Variants in PGAP4 observed in about 807,000 individuals in gnomAD.
PGAP4 encodes the protein GPI-N-acetylgalactosamine transferase PGAP4.
A neutral mutation model predicts 28.2 loss-of-function variants in PGAP4; 12 were observed. The observed-to-expected ratio is 0.42, with a 90% CI of 0.27 to 0.69. The LOEUF (loss-of-function observed/expected upper bound fraction) is 0.69, where lower values mean the gene tolerates loss of function less well. Ranked by LOEUF, PGAP4 falls within the 30% of genes least tolerant of loss-of-function variation. The pLI is 0.22. For synonymous variants in PGAP4, 205 were observed against 211.8 expected (o/e 0.97, Z 0.28); for missense variants, 425 against 513.5 (o/e 0.83, Z 1.67).
chr9:101,512,533 A>AT lies in PGAP4; in HGVS notation c.-165+18814dup, dbSNP rs1334888905. Among the ~76,000 whole-genome samples, 9 of 152,226 alleles carry AT rather than the reference A, an allele frequency of 5.9e-5. 1 individual carries two copies. The highest frequency in any genetic ancestry group is 1.9e-4 in the African/African-American group (8 of 41,464). On this transcript the variant is annotated intron_variant, in intron 2 of 3. Coordinates refer to the PGAP4 transcript ENST00000374851. ...TTTTACATGGGAGGCTGACTGATTC[A>AT]TGAATCACTAGTAAAAGCCAATTAG...
At chr9:101,478,070 G>GA (rs1344880276) in intron 1 of PGAP4, among the ~76,000 whole-genome samples, 2 of 152,206 alleles carry the variant, frequency 1.3e-5, no homozygotes, top group African/African-American at 4.8e-5. Flanking sequence ...CATTTGGTGG[G>GA]AAGTTTACCT....
At chr9:101,497,939 G>A (rs1266246388) in intron 2 of PGAP4, among the ~76,000 whole-genome samples, 1 of 151,760 alleles carries the variant, frequency 6.6e-6, no homozygotes, top group East Asian at 1.9e-4. Flanking sequence ...TAGAATTTTA[G>A]TTAGGGGATA....
intron 2 of PGAP4, among the ~76,000 whole-genome samples, chr9:101,492,455 T>A (rs1427186733): frequency 2.0e-5 from 3 of 152,030 alleles, no homozygotes; most frequent in Non-Finnish European, 2.9e-5. Flanking sequence ...CAGTAATTTT[T>A]GTCTTAAAGT....
chr9:101,495,152 A>C (rs1485994538), intron 2 of PGAP4, among the ~76,000 whole-genome samples: 4 of 94,980 alleles, frequency 4.2e-5, no homozygotes, highest in Non-Finnish European at 8.3e-5. Flanking sequence ...TTTTATATAT[A>C]TTATATATTT....
intron 2 of PGAP4, among the ~76,000 whole-genome samples, chr9:101,493,769 A>C (rs1489383380): frequency 6.6e-6 from 1 of 152,166 alleles, no homozygotes. Context: ...ACTTTTGTAC[A>C]GTCCATATCT....
chr9:101,532,278 G>GA (rs1220114966), intron 1 of PGAP4, among the ~76,000 whole-genome samples: 1,724 of 94,416 alleles, frequency 0.018, 21 homozygotes, highest in African/African-American at 0.057. Flanking sequence ...TCGAAAAAAA[G>GA]AAAAAAAAAA....
Position 101,476,485 on chromosome 9 carries a change from T to C in PGAP4, c.608A>G (p.Asn203Ser). The C allele has an allele frequency of 6.2e-7, 1 of 1,614,074 alleles. No individual in the cohort carries two copies. Among genetic ancestry groups the C allele is most frequent in the Non-Finnish European group, 8.5e-7 (1 of 1,180,022 alleles). The change falls in exon 2 of 2, where the codon AAC becomes AGC. Residue 203 changes from asparagine (N) to serine (S), a missense_variant. Coordinates refer to ENST00000374848, the MANE Select transcript of PGAP4 (RefSeq NM_032342.3). This position sits in a 1 kb window ranked among gnomAD's most constrained non-coding sequence, Gnocchi z 7.0. ...YCLESSLQTY[N>S]PDYVLMVEDD... ...TTCTACCATCAGGACGTAGTCTGGG[T>C]TGTAGGTCTGCAGGGATGACTCCAG...
rs1457976064 is a variant in PGAP4, at chr9:101,486,403, T to TA, written c.-78+545_-78+546insT. The stretch of plus-strand genomic sequence containing the variant: ...CTGCCCAGTCGCCCTCCCCCAGCCC[T>TA]TGGCTGCGAGGTCGCCCGCAGAAAC... On this transcript the variant is annotated intron_variant, in intron 1 of 1. Transcript: ENST00000374848. The surrounding 1 kb of genome is among the most constrained non-coding windows in gnomAD (Gnocchi z 4.7). Among the ~76,000 whole-genome samples, 1 of 152,126 alleles carries TA rather than the reference T, an allele frequency of 6.6e-6. No individual in the cohort carries two copies. Among genetic ancestry groups the TA allele is most frequent in the East Asian group, 1.9e-4 (1 of 5,138 alleles).
rs905705054 is a variant in PGAP4, at chr9:101,519,409, T to TC, written c.-165+11938dup. Among the ~76,000 whole-genome samples, 227 of 152,202 alleles carry TC rather than the reference T, an allele frequency of 1.5e-3. 1 individual carries two copies. The highest frequency in any genetic ancestry group is 5.3e-3 in the African/African-American group (220 of 41,556). ...CTTGAGCTCAGGCAATCCACCTGCC[T>TC]CCCCCTCCCAAAGTGCTAGGATTAC... On this transcript the variant is annotated intron_variant, in intron 2 of 3. Coordinates refer to the PGAP4 transcript ENST00000374851.
chr9:101,509,330 C>T (rs1200808605), intron 2 of PGAP4, among the ~76,000 whole-genome samples: 4 of 152,196 alleles, frequency 2.6e-5, no homozygotes, highest in African/African-American at 9.6e-5. Context: ...GCTTTGAATG[C>T]TGCCACTTTA....
chr9:101,529,447 G>A (rs538965596), intron 2 of PGAP4, among the ~76,000 whole-genome samples: 7 of 152,146 alleles, frequency 4.6e-5, no homozygotes, highest in African/African-American at 1.7e-4. Context: ...AAGCCACCGC[G>A]CCCGGCCTTC....
At chr9:101,495,687 A>G (rs1415919521) in intron 2 of PGAP4, among the ~76,000 whole-genome samples, 1 of 150,398 alleles carries the variant, frequency 6.6e-6, no homozygotes, top group African/African-American at 2.4e-5. Context: ...AGAGTTTTAA[A>G]GGGGTTAAAA....
chr9:101,504,910 C>T (rs7044695), intron 2 of PGAP4, among the ~76,000 whole-genome samples: 166 of 152,086 alleles, frequency 1.1e-3, no homozygotes, highest in South Asian at 7.3e-3. Context: ...GCCAGTGGAC[C>T]CTGTCACCTA....
chr9:101,476,545 G>A lies in PGAP4; in HGVS notation c.548C>T (p.Ser183Leu), dbSNP rs1826319162. Residue 183 changes from serine to leucine, a missense_variant, in exon 2 of 2, where the codon TCG becomes TTG. Ser to Leu is a moderately radical substitution (Grantham distance 145). Transcript: ENST00000374848. This position sits in a 1 kb window ranked among gnomAD's most constrained non-coding sequence, Gnocchi z 7.0. ...ATAGTCCTGCTTCTCTTTCTCAAAC[G>A]AGTTGGTCGAAGGGTCATCACCATA... is the stretch of plus-strand genomic sequence containing the variant. ...DDYGDDPSTN[S>L]FEKEKQDYVY... 1.2e-5 allele frequency: 20 copies of A among 1,614,092 alleles called. No homozygotes were observed. Among genetic ancestry groups the A allele is most frequent in the African/African-American group, 2.7e-5 (2 of 74,926 alleles).
At chr9:101,528,210 C>T (rs1827053266) in intron 2 of PGAP4, among the ~76,000 whole-genome samples, 1 of 152,074 alleles carries the variant, frequency 6.6e-6, no homozygotes, top group African/African-American at 2.4e-5. Context: ...GAATTCTGTA[C>T]CAGTCAGCAA....
chr9:101,525,433 G>C (rs183021684), intron 2 of PGAP4, among the ~76,000 whole-genome samples: 8 of 151,928 alleles, frequency 5.3e-5, no homozygotes, highest in African/African-American at 1.9e-4. Context: ...GTTGGCGGGC[G>C]CAGTGGCTCA....
At chr9:101,519,342 C>A (rs751875377) in intron 2 of PGAP4, among the ~76,000 whole-genome samples, 5 of 151,806 alleles carry the variant, frequency 3.3e-5, no homozygotes, top group Non-Finnish European at 5.9e-5. Flanking sequence ...GTATGTTAGT[C>A]GAGACGGGGT....
chr9:101,487,338 G>C (rs1826641992), upstream of PGAP4: 1 of 152,048 alleles, frequency 6.6e-6, no homozygotes, highest in Non-Finnish European at 1.5e-5. Context: ...TGTGTACATA[G>C]AGACTTATTC....
At position 101,474,157 on chromosome 9, in the gene PGAP4, C is replaced by T. The variant is rs958305400; in HGVS notation, c.*1724G>A. ...CAGGGGCTTGAAGTCAGAAGAGCTCCGTTCCCATTTTGGCTATGCTGCTGT... is the reference window on the plus strand; with the variant it reads ...CAGGGGCTTGAAGTCAGAAGAGCTCTGTTCCCATTTTGGCTATGCTGCTGT... On this transcript the variant is annotated 3_prime_UTR_variant, in exon 2 of 2. Coordinates refer to ENST00000374848, the MANE Select transcript of PGAP4 (RefSeq NM_032342.3). The T allele has an allele frequency of 6.6e-6, 1 of 152,160 alleles. No individual in the cohort carries two copies. The highest frequency in any genetic ancestry group is 1.5e-5 in the Non-Finnish European group (1 of 68,040). The allele number at this position is 152,160 out of a possible 1,614,324, so 9.4% of individuals were successfully genotyped here.
Sources: allele counts gnomAD v4.1 joint callset (sites outside exome capture counted in the v4.1 genomes callset), GRCh38; gene constraint gnomAD v4.1.1; non-coding constraint Gnocchi (gnomAD v3.1); transcripts MANE v1.5; gene names NCBI Gene and HGNC (gene_info 2026-07-23, HGNC 2026-07-21).